AFAP1: variants seen among roughly 807,000 people sequenced by gnomAD.
AFAP1 encodes actin filament-associated protein 1.
In AFAP1, 75 loss-of-function variants were observed where a neutral mutation model predicts 93.9. The ratio of observed to expected loss-of-function variants is 0.80; its 90% CI spans 0.66 to 0.97. AFAP1 has a LOEUF of 0.97. Among genes scored for constraint, AFAP1 ranks in the 50% least tolerant of loss-of-function variants. The pLI is 0.00. For synonymous variants in AFAP1, 517 were observed against 430.7 expected (o/e 1.20, Z -2.48); for missense variants, 1,201 against 1,050.8 (o/e 1.14, Z -1.98).
At chr4:7,843,395 T>C in intron 4 of AFAP1, 45 bp from the exon 5 acceptor site, 1 of 1,534,658 alleles carries the variant, frequency 6.5e-7, no homozygotes, top group South Asian at 1.2e-5. Flanking sequence ...TTCTTTACCT[T>C]GAAGTTTACC....
At chr4:7,825,016 G>T (rs561340329) in intron 6 of AFAP1, among the ~76,000 whole-genome samples, 2 of 152,080 alleles carry the variant, frequency 1.3e-5, no homozygotes, top group African/African-American at 2.4e-5. Context: ...AAAAGACTTG[G>T]CATTTGTATT....
intron 12 of AFAP1, among the ~76,000 whole-genome samples, chr4:7,783,681 G>C (rs1223300832): frequency 6.6e-6 from 1 of 152,220 alleles, no homozygotes; most frequent in Non-Finnish European, 1.5e-5. Context: ...ATAGCCTAAA[G>C]AACACTTGCT....
intron 6 of AFAP1, among the ~76,000 whole-genome samples, chr4:7,830,537 C>T (rs1481138189): frequency 1.3e-5 from 2 of 152,114 alleles, no homozygotes; most frequent in African/African-American, 4.8e-5. Flanking sequence ...CACAGAAATT[C>T]TAAAACATGA....
intron 6 of AFAP1, among the ~76,000 whole-genome samples, chr4:7,833,301 C>T (rs989748380): frequency 1.3e-5 from 2 of 152,032 alleles, no homozygotes; most frequent in African/African-American, 4.8e-5. Context: ...AACAAATTAG[C>T]AACAAGAAAC....
At chr4:7,847,730 T>C (rs1713890506) in intron 4 of AFAP1, among the ~76,000 whole-genome samples, 1 of 148,498 alleles carries the variant, frequency 6.7e-6, no homozygotes, top group Non-Finnish European at 1.5e-5. Context: ...CCTTCTAGTC[T>C]TGTAGTAAGT....
chr4:7,919,532 G>A (rs182885130), intron 1 of AFAP1, among the ~76,000 whole-genome samples: 3 of 152,114 alleles, frequency 2.0e-5, no homozygotes, highest in East Asian at 1.9e-4. Context: ...CAGAACATAC[G>A]AATATCCAGC....
Position 7,814,457 on chromosome 4 carries a change from AAACCTGTC to A in AFAP1, c.904+1553_904+1560del, listed in dbSNP as rs553263674. On this transcript the variant is annotated intron_variant, in intron 8 of 17. Coordinates refer to ENST00000420658, the MANE Select transcript of AFAP1 (RefSeq NM_001134647.2). ...GAAATGAAAACATATGTCCACGCAA[AAACCTGTC>A]TCTGAATGCACAGAACAGATTTTTC... Among the ~76,000 whole-genome samples, 303 of 152,306 alleles carry A rather than the reference AAACCTGTC, an allele frequency of 2.0e-3. 2 individuals carry two copies. The highest frequency in any genetic ancestry group is 3.4e-3 in the Middle Eastern group (1 of 294).
intron 9 of AFAP1, among the ~76,000 whole-genome samples, chr4:7,803,579 C>T (rs1246233531): frequency 3.4e-5 from 5 of 148,578 alleles, no homozygotes; most frequent in Non-Finnish European, 7.4e-5. Context: ...CCCAAGAGGG[C>T]ATGGACTCTG....
At chr4:7,907,656 A>ATCTT (rs1218522558) in intron 1 of AFAP1, among the ~76,000 whole-genome samples, 11 of 152,168 alleles carry the variant, frequency 7.2e-5, no homozygotes, top group Non-Finnish European at 1.2e-4. Context: ...GCCCAATGAA[A>ATCTT]TCTTCATTGG....
At chr4:7,840,423 C>T (rs566306670) in intron 5 of AFAP1, among the ~76,000 whole-genome samples, 3 of 150,492 alleles carry the variant, frequency 2.0e-5, no homozygotes, top group Admixed American at 6.6e-5. Flanking sequence ...AAGCGATTCT[C>T]CTGCCTCAGC....
intron 1 of AFAP1, among the ~76,000 whole-genome samples, chr4:7,872,581 A>C (rs1278688971): frequency 6.6e-6 from 1 of 152,224 alleles, no homozygotes; most frequent in African/African-American, 2.4e-5. Context: ...AGGCTGGTGT[A>C]AATACAAGTT....
At chr4:7,894,900 G>C (rs1718679749) in intron 1 of AFAP1, among the ~76,000 whole-genome samples, 1 of 152,210 alleles carries the variant, frequency 6.6e-6, no homozygotes, top group South Asian at 2.1e-4. Flanking sequence ...TCCAGGGAGG[G>C]GGATGCTGGA....
chr4:7,908,183 G>C (rs976841679), intron 1 of AFAP1, among the ~76,000 whole-genome samples: 2 of 151,932 alleles, frequency 1.3e-5, no homozygotes, highest in Non-Finnish European at 2.9e-5. Flanking sequence ...CTGTACTCCA[G>C]CCTGGGCGAC....
chr4:7,937,570 T>G (rs1721463048), intron 1 of AFAP1, among the ~76,000 whole-genome samples: 1 of 152,174 alleles, frequency 6.6e-6, no homozygotes, highest in South Asian at 2.1e-4. Flanking sequence ...CACTGCAACC[T>G]CCGCCTCCTG....
intron 3 of AFAP1, among the ~76,000 whole-genome samples, chr4:7,859,556 A>G (rs28649910): frequency 0.68 from 103,697 of 152,130 alleles, 35,962 homozygotes; most frequent in Non-Finnish European, 0.75. Flanking sequence ...GAAAGAACTG[A>G]CACTGTGCCA....
intron 1 of AFAP1, among the ~76,000 whole-genome samples, chr4:7,872,549 G>A (rs1717140237): frequency 6.6e-6 from 1 of 152,254 alleles, no homozygotes; most frequent in Admixed American, 6.5e-5. Flanking sequence ...TATGCAGTTA[G>A]CACAAAGGAG....
chr4:7,811,443 A>ACG (rs1399265638), intron 8 of AFAP1, among the ~76,000 whole-genome samples: 1 of 151,584 alleles, frequency 6.6e-6, no homozygotes, highest in African/African-American at 2.4e-5. Context: ...ACACACTCAC[A>ACG]CGCAGTCCCC....
intron 1 of AFAP1, among the ~76,000 whole-genome samples, chr4:7,875,633 G>A (rs1391413042): frequency 6.6e-6 from 1 of 150,498 alleles, no homozygotes; most frequent in Non-Finnish European, 1.5e-5. Context: ...AAAAAAAATG[G>A]AGGTGGGGGG....
intron 9 of AFAP1, among the ~76,000 whole-genome samples, chr4:7,807,573 A>G (rs1719636880): frequency 6.6e-6 from 1 of 152,232 alleles, no homozygotes; most frequent in Non-Finnish European, 1.5e-5. Flanking sequence ...GACCAAGTTC[A>G]GGGAGCTTGG....
Sources: allele counts gnomAD v4.1 joint callset (sites outside exome capture counted in the v4.1 genomes callset), GRCh38; gene constraint gnomAD v4.1.1; transcripts MANE v1.5; gene names NCBI Gene and HGNC (gene_info 2026-07-23, HGNC 2026-07-21).